IQCM: variants seen among roughly 807,000 people sequenced by gnomAD.
The protein encoded by IQCM is IQ motif containing M.
In IQCM, 45 loss-of-function variants were observed where a neutral mutation model predicts 57.6. The ratio of observed to expected loss-of-function variants is 0.78; its 90% CI spans 0.62 to 1.00. The LOEUF is 1.00. Ranked by LOEUF, IQCM falls within the 50% of genes least tolerant of loss-of-function variation. The pLI, the probability that IQCM is intolerant of heterozygous loss-of-function variation, is 0.00. For synonymous variants in IQCM, 148 were observed against 158.9 expected, an observed-to-expected ratio of 0.93 and a Z score of 0.51; for missense variants, 468 against 511.6, an observed-to-expected ratio of 0.91 and a Z score of 0.82.
At chr4:149,760,510 A>G (rs1769403775) in intron 2 of IQCM, among the ~76,000 whole-genome samples, 1 of 152,134 alleles carries the variant, frequency 6.6e-6, no homozygotes, top group Admixed American at 6.6e-5. Context: ...AAGCACAGCC[A>G]ATCTTCCTCC....
chr4:149,396,915 T>C (rs886777723), intron 13 of IQCM, among the ~76,000 whole-genome samples: 1 of 152,074 alleles, frequency 6.6e-6, no homozygotes, highest in African/African-American at 2.4e-5. Flanking sequence ...GGTTGAATAA[T>C]GTATATACAT....
At chr4:149,462,807 T>C (rs1287005862) in intron 12 of IQCM, among the ~76,000 whole-genome samples, 4 of 152,196 alleles carry the variant, frequency 2.6e-5, no homozygotes, top group African/African-American at 9.6e-5. Flanking sequence ...AATCAGAAAT[T>C]AGACTGCTGA....
chr4:149,812,198 T>A (rs1226160089), intron 2 of IQCM, among the ~76,000 whole-genome samples: 2 of 152,198 alleles, frequency 1.3e-5, no homozygotes, highest in Non-Finnish European at 2.9e-5. Context: ...ATACAAATGC[T>A]TCTTTTAATT....
chr4:149,446,322 C>A (rs1407665851), intron 12 of IQCM, among the ~76,000 whole-genome samples: 1 of 151,638 alleles, frequency 6.6e-6, no homozygotes, highest in African/African-American at 2.4e-5. Context: ...TTGCGGTAAG[C>A]TAACTGGTCC....
In IQCM at chr4:149,433,410, C is replaced by T. The variant is rs900365281; in HGVS notation, c.1376G>A (p.Gly459Asp). ...WLRPIVNGEE[G>D]YRYIVNGHPA... ...CAATATCTTACCTATATATCTATAA[C>T]CTTCTTCCCCATTTACTATGGGTCT... Residue 459 changes from glycine (G) to aspartate (D), a missense_variant, in exon 13 of 14, where the codon GGT becomes GAT. Gly to Asp is a moderately conservative substitution (Grantham distance 94). Transcript: ENST00000636793. 8 of 1,223,048 alleles carry T rather than the reference C, an allele frequency of 6.5e-6. No homozygotes were observed. The highest frequency in any genetic ancestry group is 3.1e-4 in the Middle Eastern group (1 of 3,178). The allele number at this position is 1,223,048 out of a possible 1,614,324, so 75.8% of individuals were successfully genotyped here.
intron 3 of IQCM, among the ~76,000 whole-genome samples, chr4:149,737,160 GTTA>G (rs1359978188): frequency 2.0e-5 from 3 of 152,160 alleles, no homozygotes. Flanking sequence ...AAACAAAACA[GTTA>G]TTATTCTGTG....
chr4:149,562,440 A>G (rs1220519065), intron 10 of IQCM, among the ~76,000 whole-genome samples: 1 of 152,216 alleles, frequency 6.6e-6, no homozygotes, highest in Non-Finnish European at 1.5e-5. Context: ...AATGAGTGGT[A>G]GAACAGTTTA....
intron 2 of IQCM, among the ~76,000 whole-genome samples, chr4:149,790,957 T>C (rs904249457): frequency 6.6e-6 from 1 of 152,132 alleles, no homozygotes; most frequent in African/African-American, 2.4e-5. Context: ...GAATAAAACA[T>C]TTACTTCTAA....
intron 2 of IQCM, among the ~76,000 whole-genome samples, chr4:149,785,662 A>C (rs1772013552): frequency 2.0e-5 from 3 of 152,174 alleles, no homozygotes; most frequent in Admixed American, 1.3e-4. Context: ...AACTTAATTA[A>C]ACCTTCATAA....
At chr4:149,487,708 A>T (rs77624099) in intron 12 of IQCM, among the ~76,000 whole-genome samples, 2,779 of 152,216 alleles carry the variant, frequency 0.018, 78 homozygotes, top group South Asian at 0.14. Flanking sequence ...CTCCACTGTG[A>T]CAGGGCAACA....
chr4:149,482,328 G>A (rs1257575569), intron 12 of IQCM, among the ~76,000 whole-genome samples: 1 of 152,060 alleles, frequency 6.6e-6, no homozygotes, highest in East Asian at 1.9e-4. Flanking sequence ...GAATAACAGT[G>A]GTGAAAGTAG....
At chr4:149,633,985 ATCTTTT>A (rs912189382) in intron 7 of IQCM, among the ~76,000 whole-genome samples, 22 of 152,192 alleles carry the variant, frequency 1.4e-4, no homozygotes, top group African/African-American at 4.8e-4. Flanking sequence ...TCTCAGCTTT[ATCTTTT>A]TCTTTTTCTT....
In IQCM at chr4:149,359,856, CA is replaced by C. The variant is rs963524188; in HGVS notation, c.1391-7791del. Among the ~76,000 whole-genome samples the C allele has an allele frequency of 2.0e-4, 31 of 152,216 alleles. 1 individual carries two copies. Among genetic ancestry groups the C allele is most frequent in the African/African-American group, 7.5e-4 (31 of 41,554 alleles). ...GAGCAACTTGGAAAGAAAACAAACA[CA>C]GATAGTTTTGCAAAATAAAATAAGC... On this transcript the variant is annotated intron_variant, in intron 13 of 13. Transcript: ENST00000636793.
chr4:149,680,936 A>T (rs115193989), intron 7 of IQCM, among the ~76,000 whole-genome samples: 3,586 of 151,424 alleles, frequency 0.024, 71 homozygotes, highest in African/African-American at 0.051. Context: ...CAACATCCAA[A>T]CTAAAGCTAT....
At chr4:149,791,362 C>A (rs895005474) in intron 2 of IQCM, among the ~76,000 whole-genome samples, 1 of 152,086 alleles carries the variant, frequency 6.6e-6, no homozygotes, top group African/African-American at 2.4e-5. Context: ...ATATGTTGTG[C>A]AATGATCAAA....
intron 2 of IQCM, among the ~76,000 whole-genome samples, chr4:149,761,848 T>G (rs188503803): frequency 6.6e-6 from 1 of 152,218 alleles, no homozygotes; most frequent in East Asian, 1.9e-4. Flanking sequence ...TCTTGTATGA[T>G]ATGATTTATT....
At chr4:149,582,476 C>T (rs915003957) in intron 9 of IQCM, among the ~76,000 whole-genome samples, 3 of 150,056 alleles carry the variant, frequency 2.0e-5, no homozygotes, top group Non-Finnish European at 4.5e-5. Flanking sequence ...AGGTATTAAG[C>T]TTAAATCAGA....
At chr4:149,547,945 A>C (rs1748625890) in intron 12 of IQCM, among the ~76,000 whole-genome samples, 1 of 152,168 alleles carries the variant, frequency 6.6e-6, no homozygotes, top group Non-Finnish European at 1.5e-5. Context: ...GCTCAATTTA[A>C]ATTATTAAAT....
intron 7 of IQCM, among the ~76,000 whole-genome samples, chr4:149,626,407 G>C (rs1180781276): frequency 1.8e-5 from 1 of 55,668 alleles, no homozygotes; most frequent in Non-Finnish European, 4.0e-5. Context: ...ATATATATAA[G>C]TTTATAGCAA....
Sources: allele counts gnomAD v4.1 joint callset (sites outside exome capture counted in the v4.1 genomes callset), GRCh38; gene constraint gnomAD v4.1.1; transcripts MANE v1.5; gene names NCBI Gene and HGNC (gene_info 2026-07-23, HGNC 2026-07-21).